The following DNAH6 variants were observed in gnomAD, a reference collection of about 807,000 sequenced individuals.
DNAH6 encodes the protein dynein axonemal heavy chain 6.
Under a neutral mutation model 491.4 loss-of-function variants are expected in DNAH6, and 340 were observed. That is an observed-to-expected ratio of 0.69 (90% CI 0.63 to 0.76). The LOEUF (loss-of-function observed/expected upper bound fraction) is 0.76, where lower values mean the gene tolerates loss of function less well. DNAH6 is among the 30% of genes least tolerant of loss of function. The pLI is 0.00. For synonymous variants in DNAH6, 1,603 were observed against 1,686.1 expected (o/e 0.95, Z 1.21); for missense variants, 4,443 against 4,972.2 (o/e 0.89, Z 3.20).
chr2:84,812,611 C>T, intron 73 of DNAH6, 85 bp downstream of exon 73: 1 of 1,087,016 alleles, frequency 9.2e-7, no homozygotes, highest in South Asian at 1.6e-5. Flanking sequence ...CTAAAGATAT[C>T]CACAGTCACT....
At chr2:84,612,861 G>A (rs911906756) in intron 22 of DNAH6, among the ~76,000 whole-genome samples, 5 of 151,974 alleles carry the variant, frequency 3.3e-5, no homozygotes, top group Admixed American at 1.3e-4. Context: ...TGGGGGATTA[G>A]GACATGAACA....
chr2:84,657,383 C>G (rs1348879812), intron 35 of DNAH6, among the ~76,000 whole-genome samples: 1 of 151,948 alleles, frequency 6.6e-6, no homozygotes, highest in African/African-American at 2.4e-5. Context: ...GGAATTTTAA[C>G]TGAGATTGTG....
At chr2:84,525,480 G>T (rs1676523266) in intron 2 of DNAH6, 85 bp from the exon 3 acceptor site, 1 of 1,332,946 alleles carries the variant, frequency 7.5e-7, no homozygotes, top group Non-Finnish European at 1.0e-6. Context: ...ATTTCCAACA[G>T]GAGAAAGAGT....
chr2:84,492,240 T>C, the DNAH6 span, among the ~76,000 whole-genome samples: 1 of 152,210 alleles, frequency 6.6e-6, no homozygotes, highest in African/African-American at 2.4e-5. Flanking sequence ...CTGTTTTTAG[T>C]AGGCTACCCA....
At chr2:84,737,476 T>A (rs1308626133) in intron 62 of DNAH6, among the ~76,000 whole-genome samples, 3 of 151,994 alleles carry the variant, frequency 2.0e-5, no homozygotes, top group Non-Finnish European at 4.4e-5. Flanking sequence ...GGTTGGTTGG[T>A]AGGTTTTTAT....
intron 64 of DNAH6, among the ~76,000 whole-genome samples, chr2:84,779,070 T>A (rs1159163065): frequency 6.6e-6 from 1 of 152,230 alleles, no homozygotes; most frequent in Non-Finnish European, 1.5e-5. Flanking sequence ...ATGTGGTTGA[T>A]CTTAGACTGT....
chr2:84,548,678 A>G (rs1289404347), intron 8 of DNAH6, among the ~76,000 whole-genome samples: 1 of 152,166 alleles, frequency 6.6e-6, no homozygotes, highest in African/African-American at 2.4e-5. Flanking sequence ...ATGAATGGTG[A>G]TGAGAAATTT....
At chr2:84,755,429 G>A (rs1304408313) in intron 63 of DNAH6, among the ~76,000 whole-genome samples, 1 of 152,070 alleles carries the variant, frequency 6.6e-6, no homozygotes, top group Non-Finnish European at 1.5e-5. Context: ...TTCTATTATA[G>A]CAGCACAAAA....
chr2:84,771,971 T>C (rs976797551), intron 64 of DNAH6, among the ~76,000 whole-genome samples: 7 of 152,204 alleles, frequency 4.6e-5, no homozygotes, highest in African/African-American at 1.7e-4. Context: ...CTCTTTTCAT[T>C]TTGTATATAA....
intron 11 of DNAH6, among the ~76,000 whole-genome samples, chr2:84,558,890 A>G (rs1680352996): frequency 6.6e-6 from 1 of 152,202 alleles, no homozygotes; most frequent in Non-Finnish European, 1.5e-5. Flanking sequence ...AGCCCTCAAT[A>G]TACTGCAAAT....
chr2:84,582,161 A>G (rs1039881637), intron 14 of DNAH6, among the ~76,000 whole-genome samples: 6 of 152,200 alleles, frequency 3.9e-5, no homozygotes, highest in African/African-American at 1.2e-4. Context: ...TCACATAAAT[A>G]GCTTAGAAAA....
At chr2:84,804,288 A>G (rs1192371) in intron 70 of DNAH6, among the ~76,000 whole-genome samples, 150,824 of 150,964 alleles carry the variant, frequency 1, 75,342 homozygotes, top group Middle Eastern at 1. Flanking sequence ...ATTAATTACA[A>G]TGCATTTATA....
At chr2:84,816,136 C>A in intron 76 of DNAH6, 53 bp downstream of exon 76, 1 of 1,403,822 alleles carries the variant, frequency 7.1e-7, no homozygotes, top group South Asian at 1.3e-5. Flanking sequence ...AATCTTCAAT[C>A]AAAGTCCAAA....
intron 63 of DNAH6, among the ~76,000 whole-genome samples, chr2:84,759,887 G>T (rs1251617420): frequency 6.6e-6 from 1 of 152,106 alleles, no homozygotes; most frequent in Admixed American, 6.5e-5. Context: ...TAGTAGCCTT[G>T]TAATAAATGA....
chr2:84,668,320 CAT>C (rs375648913), intron 37 of DNAH6, among the ~76,000 whole-genome samples: 33 of 152,194 alleles, frequency 2.2e-4, no homozygotes, highest in African/African-American at 8.0e-4. Flanking sequence ...AAATATTTTA[CAT>C]GTTTGTAGAT....
At chr2:84,795,150 G>T (rs1192400) in intron 68 of DNAH6, among the ~76,000 whole-genome samples, 28,550 of 131,160 alleles carry the variant, frequency 0.22, 3,608 homozygotes, top group African/African-American at 0.38. Flanking sequence ...GACACAGGAG[G>T]GGGAACATCA....
intron 62 of DNAH6, among the ~76,000 whole-genome samples, chr2:84,735,878 T>C (rs887414948): frequency 7.9e-5 from 12 of 152,206 alleles, no homozygotes; most frequent in Admixed American, 7.9e-4. Flanking sequence ...TTAGTTTAAA[T>C]CCCATTTGTC....
intron 33 of DNAH6, among the ~76,000 whole-genome samples, chr2:84,645,971 T>C (rs1311044249): frequency 1.3e-5 from 2 of 152,340 alleles, no homozygotes; most frequent in East Asian, 3.9e-4. Context: ...CCTCATTTTA[T>C]TTCACTTCAT....
At chr2:84,463,553 G>A in the DNAH6 span, among the ~76,000 whole-genome samples, 1 of 152,150 alleles carries the variant, frequency 6.6e-6, no homozygotes, top group Non-Finnish European at 1.5e-5. Flanking sequence ...TCCTTCCAGA[G>A]CGTTTTTTGT....
Sources: allele counts gnomAD v4.1 joint callset (sites outside exome capture counted in the v4.1 genomes callset), GRCh38; gene constraint gnomAD v4.1.1; transcripts MANE v1.5; gene names NCBI Gene and HGNC (gene_info 2026-07-23, HGNC 2026-07-21).